The following PACSIN2 variants were observed in gnomAD, a reference collection of about 807,000 sequenced individuals.
PACSIN2 encodes the protein protein kinase C and casein kinase substrate in neurons 2.
In PACSIN2, 25 loss-of-function variants were observed where a neutral mutation model predicts 63.8. The ratio of observed to expected loss-of-function variants is 0.39; its 90% CI spans 0.29 to 0.55. The LOEUF is 0.55. PACSIN2 is among the 20% of genes least tolerant of loss of function. The probability of loss-of-function intolerance (pLI) is 0.62; values close to 1 mark genes in which losing one functional copy is unlikely to be tolerated. For missense variants in PACSIN2, 518 were observed against 646.9 expected (o/e 0.80, Z 2.16); for synonymous variants, 255 against 256.2 (o/e 1.00, Z 0.05).
At chr22:42,906,454 C>G (rs1931080511) in intron 2 of PACSIN2, among the ~76,000 whole-genome samples, 1 of 152,140 alleles carries the variant, frequency 6.6e-6, no homozygotes, top group African/African-American at 2.4e-5. Context: ...TGAAGAGTCA[C>G]GAGATTCAGG....
intron 1 of PACSIN2, among the ~76,000 whole-genome samples, chr22:42,935,592 A>C (rs1932893956): frequency 6.6e-6 from 1 of 152,236 alleles, no homozygotes. Context: ...TTTGCAACAC[A>C]AATTATTCAT....
intron 2 of PACSIN2, among the ~76,000 whole-genome samples, chr22:42,907,973 C>G (rs1326414241): frequency 6.6e-6 from 1 of 152,246 alleles, no homozygotes; most frequent in Non-Finnish European, 1.5e-5. Flanking sequence ...CAACAACCTA[C>G]AGGGAGCGCC....
At chr22:43,011,500 C>T (rs971029867) in intron 1 of PACSIN2, among the ~76,000 whole-genome samples, 5 of 152,192 alleles carry the variant, frequency 3.3e-5, no homozygotes, top group African/African-American at 1.2e-4. Flanking sequence ...AGAAACTTTT[C>T]GATCTGTTTG....
At chr22:42,878,922 G>A in intron 8 of PACSIN2, 126 bp downstream of exon 8, 2 of 1,120,654 alleles carry the variant, frequency 1.8e-6, no homozygotes, top group Non-Finnish European at 2.5e-6. Flanking sequence ...CTGGGCCACG[G>A]CCCACAGAGC....
At chr22:42,949,695 C>T (rs1389552101) in intron 1 of PACSIN2, among the ~76,000 whole-genome samples, 5 of 150,056 alleles carry the variant, frequency 3.3e-5, no homozygotes, top group Admixed American at 3.3e-4. Context: ...CACACACACA[C>T]TCACACACAC....
intron 2 of PACSIN2, among the ~76,000 whole-genome samples, chr22:42,903,393 T>C (rs1048174213): frequency 6.6e-6 from 1 of 152,230 alleles, no homozygotes; most frequent in Non-Finnish European, 1.5e-5. Flanking sequence ...CGGGGATGAC[T>C]GTTGATATTA....
chr22:43,014,404 G>A lies in PACSIN2; in HGVS notation c.-78+617C>T, dbSNP rs1383636605. 4.6e-5 allele frequency among the ~76,000 whole-genome samples: 5 copies of A among 109,378 alleles called. No homozygotes were observed. The East Asian group carries it at 1.5e-3, about 33-fold the overall frequency. The allele number at this position is 109,378 out of a possible 152,430, so 71.8% of individuals were successfully genotyped here. On this transcript the variant is annotated intron_variant, in intron 1 of 10. Coordinates refer to ENST00000263246, the MANE Select transcript of PACSIN2 (RefSeq NM_001184970.3). ...CCGGGACACGGAGGGTGGGAAGGAA[G>A]GAAATGGAGGCCGCTCATCAAAGCG...
At chr22:42,963,486 G>A (rs1920930642) in intron 1 of PACSIN2, among the ~76,000 whole-genome samples, 1 of 152,220 alleles carries the variant, frequency 6.6e-6, no homozygotes, top group African/African-American at 2.4e-5. Flanking sequence ...CATCAGCCTA[G>A]CAGGACTCAA....
chr22:42,931,699 G>A (rs1243416869), intron 1 of PACSIN2, among the ~76,000 whole-genome samples: 1 of 152,174 alleles, frequency 6.6e-6, no homozygotes, highest in Non-Finnish European at 1.5e-5. Context: ...TGGCTAGGCT[G>A]AGAACTATTT....
At chr22:42,978,628 A>G (rs568179566) in intron 1 of PACSIN2, among the ~76,000 whole-genome samples, 1 of 152,300 alleles carries the variant, frequency 6.6e-6, no homozygotes, top group East Asian at 1.9e-4. Context: ...AAGTTGTGGG[A>G]GGCAGTCGGG....
chr22:42,993,797 A>T (rs1301999280), intron 1 of PACSIN2: 1 of 152,212 alleles, frequency 6.6e-6, no homozygotes, highest in Non-Finnish European at 1.5e-5. Flanking sequence ...GGGCGGCACC[A>T]GGGACAGCCA....
chr22:42,888,453 T>C (rs1929650496), intron 5 of PACSIN2, among the ~76,000 whole-genome samples, 190 bp downstream of exon 5: 1 of 152,178 alleles, frequency 6.6e-6, no homozygotes, highest in African/African-American at 2.4e-5. Context: ...ACTGAGCAGG[T>C]ACAGTGGCTA....
At chr22:42,889,169 G>A (rs967172854) in intron 4 of PACSIN2, among the ~76,000 whole-genome samples, 10 of 152,086 alleles carry the variant, frequency 6.6e-5, no homozygotes, top group African/African-American at 2.4e-4. Flanking sequence ...GGTGGAGAAA[G>A]CCACTGAGAT....
chr22:42,926,788 C>T (rs896381086), intron 1 of PACSIN2, among the ~76,000 whole-genome samples: 12 of 151,626 alleles, frequency 7.9e-5, no homozygotes, highest in Admixed American at 5.3e-4. Context: ...GCTATGATCA[C>T]GCCTGTGAAT....
At chr22:42,951,852 C>G (rs1430666888) in intron 1 of PACSIN2, among the ~76,000 whole-genome samples, 1 of 147,538 alleles carries the variant, frequency 6.8e-6, no homozygotes, top group Non-Finnish European at 1.5e-5. Context: ...CTCGCTCCTT[C>G]CAATCCCCAC....
chr22:42,998,749 G>A (rs1222436788), intron 1 of PACSIN2, among the ~76,000 whole-genome samples: 1 of 152,168 alleles, frequency 6.6e-6, no homozygotes, highest in African/African-American at 2.4e-5. Flanking sequence ...AAGCATTCCT[G>A]TTTTCGCACC....
At chr22:42,884,670 A>G in intron 5 of PACSIN2, 109 bp from the exon 6 acceptor site, 3 of 790,886 alleles carry the variant, frequency 3.8e-6, no homozygotes, top group Non-Finnish European at 4.1e-6. Context: ...CAAAGAAAAA[A>G]CAGGAGCTCT....
intron 1 of PACSIN2, among the ~76,000 whole-genome samples, chr22:42,970,074 C>A (rs1056730494): frequency 1.3e-5 from 2 of 152,156 alleles, no homozygotes. Context: ...ATGCCCCCTT[C>A]GACACTGGCA....
chr22:42,896,831 C>G (rs1180780256), intron 2 of PACSIN2, among the ~76,000 whole-genome samples: 1 of 152,200 alleles, frequency 6.6e-6, no homozygotes, highest in African/African-American at 2.4e-5. Context: ...CTTAGTGTAG[C>G]AATATTGCAT....
Sources: gnomAD v4.1 joint callset for allele counts (sites outside exome capture counted in the v4.1 genomes callset) on GRCh38, gnomAD v4.1.1 for gene constraint, MANE v1.5 for transcripts, NCBI Gene and HGNC (gene_info 2026-07-23, HGNC 2026-07-21) for gene names.